UBE2J1: variants seen among roughly 807,000 people sequenced by gnomAD.
UBE2J1 encodes ubiquitin conjugating enzyme E2 J1, also known as ubiquitin-conjugating enzyme E2 J1.
UBE2J1 carries 17 observed loss-of-function variants against 42.1 expected under a neutral mutation model. The observed-to-expected ratio is 0.40, with a 90% CI of 0.28 to 0.61. The LOEUF is 0.61. Among genes scored for constraint, UBE2J1 ranks in the 20% least tolerant of loss-of-function variants. UBE2J1 has a pLI of 0.38. For missense variants in UBE2J1, 291 were observed against 389.4 expected, an observed-to-expected ratio of 0.75 and a Z score of 2.13; for synonymous variants, 127 against 137.2, an observed-to-expected ratio of 0.93 and a Z score of 0.52.
chr6:89,342,370 A>G lies in UBE2J1; in HGVS notation c.191T>C (p.Leu64Pro), dbSNP rs1416652267. The G allele has an allele frequency of 6.2e-7, 1 of 1,614,044 alleles. No homozygotes were observed. The change falls in exon 3 of 8, where the codon CTG (leucine) becomes CCG (proline). Residue 64 changes from leucine (L) to proline (P), a missense_variant. Physicochemically the swap from Leu to Pro is moderately conservative, Grantham distance 98. This residue lies in a region of UBE2J1 where 115 missense variants were observed against 193.1 expected (regional missense o/e 0.60). Transcript: ENST00000435041. ...TGGTTTCATGGGATACTCTGGTGGC[A>G]GTACTATCCGCCCGTGATAAACTCC... ...DGGVYHGRIV[L>P]PPEYPMKPPS...
At chr6:89,335,631 T>TA (rs1193079673) in intron 5 of UBE2J1, among the ~76,000 whole-genome samples, 200 bp from the exon 6 acceptor site, 5 of 152,142 alleles carry the variant, frequency 3.3e-5, no homozygotes, top group African/African-American at 7.2e-5. Flanking sequence ...AGGCTGGCTT[T>TA]AAAAAAATCC....
At chr6:89,336,282 T>C (rs1262291673) in intron 5 of UBE2J1, among the ~76,000 whole-genome samples, 1 of 150,896 alleles carries the variant, frequency 6.6e-6, no homozygotes, top group Admixed American at 6.6e-5. Flanking sequence ...AATTTAGTTT[T>C]TCTGTTTGTT....
intron 7 of UBE2J1, among the ~76,000 whole-genome samples, chr6:89,330,815 T>C (rs1414201462): frequency 1.3e-5 from 2 of 152,106 alleles, no homozygotes; most frequent in African/African-American, 4.8e-5. Flanking sequence ...AAAAATCACA[T>C]TCTTAGTTAA....
At chr6:89,337,520 A>G (rs1338493954) in intron 5 of UBE2J1, among the ~76,000 whole-genome samples, 2 of 152,158 alleles carry the variant, frequency 1.3e-5, no homozygotes, top group African/African-American at 4.8e-5. Flanking sequence ...AAAATATGAT[A>G]TAATTTAATT....
At chr6:89,346,667 G>A (rs562020938) in intron 1 of UBE2J1, among the ~76,000 whole-genome samples, 1 of 151,792 alleles carries the variant, frequency 6.6e-6, no homozygotes, top group South Asian at 2.1e-4. Context: ...ACAGTGCTTG[G>A]AGATTTCAAT....
chr6:89,338,533 C>A lies in UBE2J1; in HGVS notation c.248G>T (p.Arg83Leu). The A allele has an allele frequency of 6.3e-7, 1 of 1,581,410 alleles. No homozygotes were observed. Among genetic ancestry groups the A allele is most frequent in the South Asian group, 1.2e-5 (1 of 84,322 alleles). ...ACAGATTTTCTTGCCCACTTCAAAT[C>A]GACCATTAGCCTGAGGAATAAACAA... is the stretch of plus-strand genomic sequence containing the variant. ...PSIILLTANGRFEVGKKICLS... is the reference protein window; with the variant it reads ...PSIILLTANGLFEVGKKICLS... The change falls in exon 4 of 8, where the codon CGA becomes CTA. Residue 83 changes from arginine (R) to leucine (L), a missense_variant. Transcript: ENST00000435041.
chr6:89,349,232 A>G lies in UBE2J1; in HGVS notation c.31+3307T>C, dbSNP rs571524191. ...AGGCTGGGAGACCCTGCCTCAAAAA[A>G]AAAGAAAATGAGGAAGAGCATAAGA... On this transcript the variant is annotated intron_variant, in intron 1 of 7. Coordinates refer to ENST00000435041, the MANE Select transcript of UBE2J1 (RefSeq NM_016021.3). 4.1e-3 allele frequency among the ~76,000 whole-genome samples: 622 copies of G among 152,266 alleles called. 2 individuals are homozygous for G. The highest frequency in any genetic ancestry group is 0.014 in the African/African-American group (593 of 41,540).
chr6:89,347,702 A>T (rs1455255696), intron 1 of UBE2J1, among the ~76,000 whole-genome samples: 7 of 152,176 alleles, frequency 4.6e-5, no homozygotes, highest in Admixed American at 4.6e-4. Context: ...TTTTGCAAAA[A>T]TAACATATAT....
At chr6:89,339,148 AGCGAAGTG>A (rs1768181177) in intron 3 of UBE2J1, among the ~76,000 whole-genome samples, 1 of 151,698 alleles carries the variant, frequency 6.6e-6, no homozygotes, top group Non-Finnish European at 1.5e-5. Flanking sequence ...TTTACTGGCC[AGCGAAGTG>A]GCTCACGCCT....
chr6:89,336,950 T>C (rs1768118571), intron 5 of UBE2J1, among the ~76,000 whole-genome samples: 1 of 151,852 alleles, frequency 6.6e-6, no homozygotes, highest in Admixed American at 6.6e-5. Context: ...AAGCAATCCT[T>C]CCACCTCAGT....
In UBE2J1 at chr6:89,329,357, C is replaced by A; in HGVS notation, c.*322G>T. 3.3e-6 allele frequency: 1 copy of A among 304,560 alleles called. No homozygotes were observed. Among genetic ancestry groups the A allele is most frequent in the Non-Finnish European group, 6.2e-6 (1 of 162,142 alleles). 18.9% of individuals were successfully genotyped at this position (304,560 alleles called of 1,614,324 possible). ...GGAACTTAAAACATCATCTTTTATC[C>A]AAAAATTTCAAAGGGCAATATAGGA... On this transcript the variant is annotated 3_prime_UTR_variant, in exon 8 of 8. Transcript: ENST00000435041.
chr6:89,346,560 G>A lies in UBE2J1; in HGVS notation c.32-2804C>T, dbSNP rs903714526. Among the ~76,000 whole-genome samples the A allele has an allele frequency of 1.1e-4, 17 of 151,848 alleles. 1 individual carries two copies. Among genetic ancestry groups the A allele is most frequent in the Admixed American group, 7.9e-4 (12 of 15,258 alleles). On this transcript the variant is annotated intron_variant, in intron 1 of 7. Transcript: ENST00000435041. ...CCAGGCTGCTCCGGCCCCATCCTCC[G>A]CCTCACCGTCTAGTCTGGCTACCCT...
In UBE2J1 at chr6:89,347,549, G is replaced by A. The variant is rs141271001; in HGVS notation, c.32-3793C>T. On this transcript the variant is annotated intron_variant, in intron 1 of 7. Coordinates refer to ENST00000435041, the MANE Select transcript of UBE2J1 (RefSeq NM_016021.3). ...TCAGAATTGTTATAAGAATGTATCT[G>A]TACCAATCCTGTAAAGGAACAATCA... Among the ~76,000 whole-genome samples the A allele has an allele frequency of 1.4e-4, 21 of 152,300 alleles. No homozygotes were observed. The East Asian group carries it at 3.9e-3, about 28-fold the overall frequency.
At chr6:89,333,572 CATT>C (rs1361201963) in intron 6 of UBE2J1, among the ~76,000 whole-genome samples, 2 of 152,182 alleles carry the variant, frequency 1.3e-5, no homozygotes, top group African/African-American at 4.8e-5. Context: ...TTAGTGTAAA[CATT>C]AATCCCACAT....
chr6:89,329,959 T>A lies in UBE2J1; in HGVS notation c.679-2A>T. 6.2e-7 allele frequency: 1 copy of A among 1,613,142 alleles called. No homozygotes were observed. Among genetic ancestry groups the A allele is most frequent in the Non-Finnish European group, 8.5e-7 (1 of 1,179,660 alleles). ...TGCTGAGGAATTCTGGAGTCCGTAC[T>A]AGGAAATTTTAAGAAACTTTGTTTG... On this transcript the variant is annotated splice_acceptor_variant, in intron 7 of 7. Coordinates refer to ENST00000435041, the MANE Select transcript of UBE2J1 (RefSeq NM_016021.3). LOFTEE classifies it high-confidence loss of function.
intron 5 of UBE2J1, 87 bp from the exon 6 acceptor site, chr6:89,335,518 A>G: frequency 9.9e-7 from 1 of 1,014,480 alleles, no homozygotes; most frequent in Non-Finnish European, 1.3e-6. Flanking sequence ...CGATCATTAA[A>G]CTTAAAAGAA....
intron 3 of UBE2J1, among the ~76,000 whole-genome samples, chr6:89,338,960 C>T (rs919162516): frequency 8.6e-5 from 13 of 151,184 alleles, no homozygotes; most frequent in East Asian, 1.9e-4. Context: ...CCACCGCGCC[C>T]GGCCAAAAAG....
At chr6:89,343,893 A>G (rs1582486902) in intron 1 of UBE2J1, 137 bp from the exon 2 acceptor site, 1 of 581,082 alleles carries the variant, frequency 1.7e-6, no homozygotes, top group East Asian at 3.0e-5. Flanking sequence ...TTATAAGATT[A>G]TGGGAATAAA....
intron 1 of UBE2J1, among the ~76,000 whole-genome samples, chr6:89,348,456 T>A (rs1249907876): frequency 6.6e-6 from 1 of 152,230 alleles, no homozygotes; most frequent in Non-Finnish European, 1.5e-5. Flanking sequence ...TATCTTGATA[T>A]TATCAATTCC....
Sources: gnomAD v4.1 joint callset for allele counts (sites outside exome capture counted in the v4.1 genomes callset) on GRCh38, gnomAD v4.1.1 for gene constraint, gnomAD v4.1.1 regional missense constraint, MANE v1.5 for transcripts, NCBI Gene and HGNC (gene_info 2026-07-23, HGNC 2026-07-21) for gene names.